Variants in RARB observed in about 807,000 individuals in gnomAD.
The protein encoded by RARB is HBV-activated protein.
In RARB, 17 loss-of-function variants were observed where a neutral mutation model predicts 51.9. The observed-to-expected ratio is 0.33, with a 90% confidence interval of 0.22 to 0.49. The LOEUF is 0.49. Among genes scored for constraint, RARB ranks in the 20% least tolerant of loss-of-function variants. The pLI is 0.99. For synonymous variants in RARB, 215 were observed against 195.4 expected (o/e 1.10, Z -0.84); for missense variants, 369 against 550.8 (o/e 0.67, Z 3.30).
chr3:25,011,575 C>T (rs189894003), intron 2 of RARB, among the ~76,000 whole-genome samples: 6 of 151,934 alleles, frequency 3.9e-5, no homozygotes, highest in South Asian at 2.1e-4. Flanking sequence ...AGTGCACTTA[C>T]TTTCTTAGCC....
chr3:25,104,617 T>G (rs1699463982), intron 3 of RARB, among the ~76,000 whole-genome samples: 1 of 152,076 alleles, frequency 6.6e-6, no homozygotes, highest in African/African-American at 2.4e-5. Flanking sequence ...GCACTCCAGC[T>G]TGGGTGACAC....
chr3:24,985,395 A>G (rs1696766984), intron 2 of RARB, among the ~76,000 whole-genome samples: 1 of 149,762 alleles, frequency 6.7e-6, no homozygotes, highest in African/African-American at 2.5e-5. Context: ...GAACAATAAC[A>G]TATTTGGGTT....
At chr3:24,913,724 G>A (rs978073622) in intron 2 of RARB, among the ~76,000 whole-genome samples, 2 of 152,094 alleles carry the variant, frequency 1.3e-5, no homozygotes, top group African/African-American at 4.8e-5. Flanking sequence ...AAGCTGGTAA[G>A]GATAATTAAT....
intron 4 of RARB, among the ~76,000 whole-genome samples, chr3:25,161,880 C>G (rs1045680351): frequency 6.6e-6 from 1 of 152,120 alleles, no homozygotes; most frequent in African/African-American, 2.4e-5. Flanking sequence ...GGCAGAGCCC[C>G]CTGGATTATG....
At chr3:25,051,465 G>A (rs1191994231) in intron 2 of RARB, among the ~76,000 whole-genome samples, 1 of 152,090 alleles carries the variant, frequency 6.6e-6, no homozygotes, top group Non-Finnish European at 1.5e-5. Flanking sequence ...TGAATCCTAT[G>A]TGCATAAAAA....
intron 4 of RARB, among the ~76,000 whole-genome samples, chr3:25,133,886 T>C (rs1427678510): frequency 6.6e-6 from 1 of 151,062 alleles, no homozygotes; most frequent in Non-Finnish European, 1.5e-5. Context: ...TTGATCCAGC[T>C]GTGAAGTTAA....
intron 5 of RARB, among the ~76,000 whole-genome samples, chr3:25,274,804 A>T (rs1703340173): frequency 1.3e-5 from 2 of 152,032 alleles, no homozygotes; most frequent in Admixed American, 1.3e-4. Context: ...AGGGGAGAGG[A>T]AATACATAAG....
intron 2 of RARB, among the ~76,000 whole-genome samples, chr3:24,901,673 G>C (rs927536221): frequency 6.6e-6 from 1 of 152,158 alleles, no homozygotes; most frequent in Non-Finnish European, 1.5e-5. Flanking sequence ...TACCAGTCTA[G>C]CATGTCCATT....
intron 5 of RARB, among the ~76,000 whole-genome samples, chr3:25,287,681 C>T (rs1353056564): frequency 6.6e-6 from 1 of 152,164 alleles, no homozygotes; most frequent in Non-Finnish European, 1.5e-5. Flanking sequence ...TGATGCAATG[C>T]ATGGAAAACC....
At chr3:25,567,722 A>G (rs1700556040) in intron 3 of RARB, among the ~76,000 whole-genome samples, 1 of 152,152 alleles carries the variant, frequency 6.6e-6, no homozygotes. Flanking sequence ...AAAACTGCCG[A>G]GTACTCTTCC....
chr3:24,868,994 T>C (rs1702898885), intron 2 of RARB, among the ~76,000 whole-genome samples: 1 of 152,168 alleles, frequency 6.6e-6, no homozygotes. Flanking sequence ...CTGAGGGCCA[T>C]GTCAAAGGCC....
At chr3:25,345,822 A>C in intron 5 of RARB, 1 of 709,390 alleles carries the variant, frequency 1.4e-6, no homozygotes, top group Non-Finnish European at 1.7e-6. Flanking sequence ...TGTATCAGTT[A>C]ATTTTTGCTA....
At chr3:24,899,484 T>G (rs1036278277) in intron 2 of RARB, among the ~76,000 whole-genome samples, 10 of 152,308 alleles carry the variant, frequency 6.6e-5, no homozygotes, top group African/African-American at 2.4e-4. Context: ...TTATATGGTT[T>G]TCTTTGCCAT....
chr3:25,588,796 C>T (rs553814947), intron 5 of RARB, among the ~76,000 whole-genome samples: 5 of 152,226 alleles, frequency 3.3e-5, no homozygotes, highest in South Asian at 2.1e-4. Context: ...TGGACCTGTC[C>T]GTGGGGCTGG....
chr3:25,209,118 C>G (rs1362272220), intron 5 of RARB, among the ~76,000 whole-genome samples: 17 of 152,308 alleles, frequency 1.1e-4, no homozygotes, highest in Non-Finnish European at 2.9e-5. Flanking sequence ...TATGTGAGTC[C>G]ACAGACCACA....
chr3:24,983,059 ATTAC>A (rs1383090689), intron 2 of RARB, among the ~76,000 whole-genome samples: 1 of 152,172 alleles, frequency 6.6e-6, no homozygotes, highest in East Asian at 1.9e-4. Context: ...AATCAAGAGT[ATTAC>A]TTTATTTTGT....
At chr3:25,150,827 C>T (rs780262385) in intron 4 of RARB, among the ~76,000 whole-genome samples, 2 of 152,118 alleles carry the variant, frequency 1.3e-5, no homozygotes, top group Admixed American at 6.5e-5. Flanking sequence ...GAGACAGGAC[C>T]GCAGTGTTGG....
intron 5 of RARB, among the ~76,000 whole-genome samples, chr3:25,277,370 G>A (rs923648608): frequency 7.9e-5 from 12 of 152,172 alleles, no homozygotes; most frequent in Non-Finnish European, 1.2e-4. Flanking sequence ...AAGAACTCCA[G>A]TGAATCACTA....
intron 2 of RARB, among the ~76,000 whole-genome samples, chr3:24,882,714 T>G (rs1289035256): frequency 6.6e-6 from 1 of 152,172 alleles, no homozygotes; most frequent in Non-Finnish European, 1.5e-5. Flanking sequence ...TATAGAAGCC[T>G]TAACTTGTTA....
Sources: allele counts gnomAD v4.1 joint callset (sites outside exome capture counted in the v4.1 genomes callset), GRCh38; gene constraint gnomAD v4.1.1; transcripts MANE v1.5; gene names NCBI Gene and HGNC (gene_info 2026-07-23, HGNC 2026-07-21).